Variants in LRRC4C observed in about 807,000 individuals in gnomAD.
LRRC4C encodes the protein leucine rich repeat containing 4C.
LRRC4C carries 5 observed loss-of-function variants against 33.6 expected under a neutral mutation model. The ratio of observed to expected loss-of-function variants is 0.15; its 90% CI spans 0.08 to 0.31. The LOEUF (loss-of-function observed/expected upper bound fraction) is 0.31. Among genes scored for constraint, LRRC4C ranks in the 10% least tolerant of loss-of-function variants. LRRC4C has a pLI of 1.00. For synonymous variants in LRRC4C, 329 were observed against 302.0 expected, an observed-to-expected ratio of 1.09 and a Z score of -0.93; for missense variants, 560 against 796.7, an observed-to-expected ratio of 0.70 and a Z score of 3.58.
At chr11:40,649,730 T>C (rs913081733) in intron 2 of LRRC4C, among the ~76,000 whole-genome samples, 20 of 152,184 alleles carry the variant, frequency 1.3e-4, no homozygotes, top group Non-Finnish European at 1.8e-4. Flanking sequence ...ATCTTCACAA[T>C]TTATGTTCAG....
chr11:40,965,163 G>C (rs899756117), intron 1 of LRRC4C, among the ~76,000 whole-genome samples: 11 of 152,248 alleles, frequency 7.2e-5, no homozygotes, highest in Admixed American at 2.6e-4. Flanking sequence ...CTGCATAAAT[G>C]TCTTCTTTTG....
chr11:41,390,711 TG>T (rs1368624563), intron 1 of LRRC4C, among the ~76,000 whole-genome samples: 1 of 151,862 alleles, frequency 6.6e-6, no homozygotes, highest in African/African-American at 2.4e-5. Context: ...TGCAATCCAG[TG>T]TTTGCATGCT....
chr11:41,427,740 G>A (rs1022249232), intron 1 of LRRC4C, among the ~76,000 whole-genome samples: 2 of 152,134 alleles, frequency 1.3e-5, no homozygotes, highest in Non-Finnish European at 2.9e-5. Flanking sequence ...CAGATGGCCT[G>A]AAGTAACTGA....
intron 1 of LRRC4C, among the ~76,000 whole-genome samples, chr11:41,173,160 G>C (rs1439894366): frequency 6.6e-6 from 1 of 152,120 alleles, no homozygotes; most frequent in African/African-American, 2.4e-5. Context: ...GGGCCAATTA[G>C]ATAAACCAAT....
chr11:40,495,293 C>T (rs12277522), intron 3 of LRRC4C, among the ~76,000 whole-genome samples: 38 of 152,006 alleles, frequency 2.5e-4, no homozygotes, highest in Non-Finnish European at 4.0e-4. Context: ...ACCTCTCCGC[C>T]CCCCCCGCCA....
chr11:40,882,577 A>G (rs1017710076), intron 2 of LRRC4C, among the ~76,000 whole-genome samples: 1 of 151,572 alleles, frequency 6.6e-6, no homozygotes, highest in Non-Finnish European at 1.5e-5. Context: ...TGGAACTTCC[A>G]TTTTTTTCTT....
intron 1 of LRRC4C, among the ~76,000 whole-genome samples, chr11:41,099,669 C>T (rs1192712855): frequency 6.6e-6 from 1 of 151,910 alleles, no homozygotes; most frequent in African/African-American, 2.4e-5. Flanking sequence ...CTCTATAAAC[C>T]AGATATTAAA....
intron 2 of LRRC4C, among the ~76,000 whole-genome samples, chr11:40,745,318 G>T (rs781755622): frequency 1.3e-4 from 20 of 152,130 alleles, no homozygotes; most frequent in Non-Finnish European, 2.8e-4. Context: ...CCAAAAAAGG[G>T]GATTGAGTGG....
At chr11:40,712,019 T>G (rs1946491642) in intron 2 of LRRC4C, among the ~76,000 whole-genome samples, 1 of 152,158 alleles carries the variant, frequency 6.6e-6, no homozygotes. Context: ...AGTAGTGTGG[T>G]AATTGTACAA....
intron 3 of LRRC4C, among the ~76,000 whole-genome samples, chr11:40,401,742 G>C (rs1239603311): frequency 6.6e-6 from 1 of 152,076 alleles, no homozygotes; most frequent in Non-Finnish European, 1.5e-5. Context: ...AAATAATAAA[G>C]TGAAAAGGGT....
At chr11:40,268,073 A>G (rs778125220) in intron 4 of LRRC4C, among the ~76,000 whole-genome samples, 5 of 152,166 alleles carry the variant, frequency 3.3e-5, no homozygotes, top group Non-Finnish European at 7.3e-5. Context: ...GAGTTAGGTA[A>G]AGACCCTGTA....
intron 3 of LRRC4C, among the ~76,000 whole-genome samples, chr11:40,572,405 T>C (rs1442561913): frequency 6.6e-6 from 1 of 152,164 alleles, no homozygotes; most frequent in East Asian, 1.9e-4. Flanking sequence ...AACGTAGGTA[T>C]GTTCCAACAG....
chr11:41,244,285 G>T (rs1460177772), intron 1 of LRRC4C, among the ~76,000 whole-genome samples: 2 of 152,076 alleles, frequency 1.3e-5, no homozygotes, highest in Admixed American at 1.3e-4. Context: ...AAAATGCCAA[G>T]CAGTAGATGT....
chr11:40,567,554 C>T (rs1250766576), intron 3 of LRRC4C, among the ~76,000 whole-genome samples: 1 of 152,148 alleles, frequency 6.6e-6, no homozygotes, highest in Non-Finnish European at 1.5e-5. Context: ...TCAGGTATTT[C>T]AGATAGTGAA....
chr11:40,660,296 G>A (rs1204601843), intron 2 of LRRC4C, among the ~76,000 whole-genome samples: 1 of 152,176 alleles, frequency 6.6e-6, no homozygotes, highest in Non-Finnish European at 1.5e-5. Flanking sequence ...CCCTCAGCAG[G>A]CATGGGATCT....
intron 1 of LRRC4C, among the ~76,000 whole-genome samples, chr11:41,386,621 C>A (rs1357697176): frequency 2.0e-5 from 3 of 151,732 alleles, no homozygotes; most frequent in Non-Finnish European, 3.0e-5. Context: ...AGTGTACATT[C>A]ATTGTGCCTA....
chr11:40,209,750 A>G (rs1863441759), intron 5 of LRRC4C, among the ~76,000 whole-genome samples: 1 of 152,180 alleles, frequency 6.6e-6, no homozygotes, highest in African/African-American at 2.4e-5. Flanking sequence ...GAGAGATTCA[A>G]CAACAAAAAC....
chr11:40,750,931 G>C (rs182366412), intron 2 of LRRC4C, among the ~76,000 whole-genome samples: 144 of 152,054 alleles, frequency 9.5e-4, no homozygotes, highest in African/African-American at 3.4e-3. Context: ...ATGACAAGTG[G>C]TATTTACATC....
chr11:40,661,865 C>T (rs1943456832), intron 2 of LRRC4C, among the ~76,000 whole-genome samples: 1 of 152,086 alleles, frequency 6.6e-6, no homozygotes, highest in African/African-American at 2.4e-5. Context: ...TTACACAAAC[C>T]CCCAACTCTA....
Sources: gnomAD v4.1 joint callset for allele counts (sites outside exome capture counted in the v4.1 genomes callset) on GRCh38, gnomAD v4.1.1 for gene constraint, MANE v1.5 for transcripts, NCBI Gene and HGNC (gene_info 2026-07-23, HGNC 2026-07-21) for gene names.